Variants in GRID1 observed in about 807,000 individuals in gnomAD.
GRID1 encodes glutamate ionotropic receptor delta type subunit 1.
Under a neutral mutation model 98.0 loss-of-function variants are expected in GRID1, and 28 were observed. The observed-to-expected ratio is 0.29, with a 90% CI of 0.21 to 0.39. The LOEUF (loss-of-function observed/expected upper bound fraction) is 0.39. Among genes scored for constraint, GRID1 ranks in the 10% least tolerant of loss-of-function variants. The probability of loss-of-function intolerance (pLI) is 1.00; values close to 1 mark genes in which losing one functional copy is unlikely to be tolerated. For synonymous variants in GRID1, 553 were observed against 538.5 expected, an observed-to-expected ratio of 1.03 and a Z score of -0.37; for missense variants, 1,111 against 1,340.5, an observed-to-expected ratio of 0.83 and a Z score of 2.67.
chr10:86,349,592 T>C (rs1848435640), intron 2 of GRID1, among the ~76,000 whole-genome samples: 1 of 152,206 alleles, frequency 6.6e-6, no homozygotes, highest in Admixed American at 6.5e-5. Flanking sequence ...TCATCTTTTC[T>C]TGCCAGAAAG....
intron 8 of GRID1, among the ~76,000 whole-genome samples, chr10:85,773,865 G>A (rs1590225917): frequency 6.6e-6 from 1 of 152,150 alleles, no homozygotes; most frequent in African/African-American, 2.4e-5. Context: ...CTCATGGCTA[G>A]GAAGAATCAA....
chr10:86,129,225 G>A (rs768594620), intron 4 of GRID1, among the ~76,000 whole-genome samples: 1 of 152,160 alleles, frequency 6.6e-6, no homozygotes, highest in Non-Finnish European at 1.5e-5. Context: ...ATCTCCATAT[G>A]AGCATTCAGA....
intron 6 of GRID1, among the ~76,000 whole-genome samples, chr10:85,863,246 G>A (rs1330490460): frequency 2.0e-5 from 3 of 152,104 alleles, no homozygotes; most frequent in Admixed American, 6.5e-5. Context: ...GTGCTTTTTG[G>A]CTCATAAGTG....
At chr10:86,261,618 G>A (rs1564722313) in intron 2 of GRID1, among the ~76,000 whole-genome samples, 2 of 152,164 alleles carry the variant, frequency 1.3e-5, no homozygotes, top group Non-Finnish European at 1.5e-5. Flanking sequence ...TGAGAAACTC[G>A]AGTGGATCAG....
At chr10:86,073,774 G>A (rs897714637) in intron 4 of GRID1, among the ~76,000 whole-genome samples, 2 of 152,184 alleles carry the variant, frequency 1.3e-5, no homozygotes, top group South Asian at 4.1e-4. Context: ...CAAGATTAAG[G>A]ACCTGGACAC....
chr10:86,050,441 A>G (rs1448391712), intron 4 of GRID1, among the ~76,000 whole-genome samples: 1 of 152,242 alleles, frequency 6.6e-6, no homozygotes, highest in Non-Finnish European at 1.5e-5. Flanking sequence ...GAACTCTGAA[A>G]AACACATGAA....
At chr10:86,184,161 T>A (rs1313034885) in intron 3 of GRID1, among the ~76,000 whole-genome samples, 4 of 152,252 alleles carry the variant, frequency 2.6e-5, no homozygotes, top group Admixed American at 6.5e-5. Context: ...ATGATTTCTT[T>A]ATCAGCTATG....
chr10:85,737,906 A>C (rs981836794), intron 8 of GRID1, among the ~76,000 whole-genome samples: 2 of 151,840 alleles, frequency 1.3e-5, no homozygotes, highest in Non-Finnish European at 2.9e-5. Flanking sequence ...TTTCTGCTCT[A>C]TGGCAGAGCA....
chr10:85,989,796 A>C (rs531999044), intron 4 of GRID1, among the ~76,000 whole-genome samples: 5 of 152,344 alleles, frequency 3.3e-5, no homozygotes, highest in Admixed American at 2.6e-4. Flanking sequence ...AACTGCTAGG[A>C]TCTGACAGTT....
chr10:85,639,707 C>T (rs1843091920), intron 13 of GRID1, among the ~76,000 whole-genome samples: 1 of 152,120 alleles, frequency 6.6e-6, no homozygotes, highest in African/African-American at 2.4e-5. Context: ...AACTCCATCT[C>T]TACTAAAAAT....
intron 2 of GRID1, among the ~76,000 whole-genome samples, chr10:86,285,492 C>T (rs1042231125): frequency 7.9e-5 from 12 of 152,318 alleles, no homozygotes; most frequent in African/African-American, 2.4e-4. Flanking sequence ...GTTTAAATGC[C>T]CCAGCCCAGG....
At chr10:86,088,883 TC>T (rs1844102909) in intron 4 of GRID1, among the ~76,000 whole-genome samples, 1 of 150,828 alleles carries the variant, frequency 6.6e-6, no homozygotes, top group Admixed American at 6.6e-5. Context: ...CCCAGAAAGA[TC>T]AATAGATGCA....
intron 4 of GRID1, among the ~76,000 whole-genome samples, chr10:85,973,082 T>G (rs543855390): frequency 5.5e-4 from 84 of 152,350 alleles, no homozygotes; most frequent in African/African-American, 2.0e-3. Context: ...ACTTTTCAGG[T>G]GAACTGAACC....
intron 4 of GRID1, among the ~76,000 whole-genome samples, chr10:86,080,418 G>GAA (rs1843955179): frequency 1.1e-4 from 1 of 9,022 alleles, no homozygotes; most frequent in Non-Finnish European, 2.1e-4. Flanking sequence ...GAAGGGGAGG[G>GAA]GAGGGGAGGG....
chr10:85,818,734 T>TG (rs1842736960), intron 8 of GRID1, among the ~76,000 whole-genome samples: 1 of 152,038 alleles, frequency 6.6e-6, no homozygotes, highest in Non-Finnish European at 1.5e-5. Context: ...AATTTTTTTT[T>TG]TTTGACAGAG....
chr10:86,300,925 G>A (rs1032923976), intron 2 of GRID1, among the ~76,000 whole-genome samples: 1 of 152,200 alleles, frequency 6.6e-6, no homozygotes, highest in Non-Finnish European at 1.5e-5. Context: ...GGAATGGGAA[G>A]GGCAGAGAGT....
rs186415735 is a variant in GRID1, at chr10:85,877,233, T to A, written c.781-8053A>T. Among the ~76,000 whole-genome samples, 131 of 152,306 alleles carry A rather than the reference T, an allele frequency of 8.6e-4. 1 individual carries two copies. The East Asian group carries it at 0.024, about 28-fold the overall frequency. On this transcript the variant is annotated intron_variant, in intron 5 of 15. Transcript: ENST00000327946. The stretch of plus-strand genomic sequence containing the variant: ...ACCTCTGCAAACTTAAATGTCCCTG[T>A]TTGACAGCTTTGAAGAGAGCAGTGG...
chr10:86,308,930 T>C (rs1055602335), intron 2 of GRID1, among the ~76,000 whole-genome samples: 5 of 152,224 alleles, frequency 3.3e-5, no homozygotes, highest in Non-Finnish European at 2.9e-5. Context: ...CGCCTTTTAA[T>C]GGTCTCACTT....
At chr10:85,894,264 A>C (rs1361736714) in intron 5 of GRID1, among the ~76,000 whole-genome samples, 3 of 152,222 alleles carry the variant, frequency 2.0e-5, no homozygotes, top group African/African-American at 7.2e-5. Flanking sequence ...CTATATAAAA[A>C]AATAAAATAA....
Sources: gnomAD v4.1 joint callset for allele counts (sites outside exome capture counted in the v4.1 genomes callset) on GRCh38, gnomAD v4.1.1 for gene constraint, MANE v1.5 for transcripts, NCBI Gene and HGNC (gene_info 2026-07-23, HGNC 2026-07-21) for gene names.